TOMM20: variants seen among roughly 807,000 people sequenced by gnomAD.
The protein encoded by TOMM20 is translocase of outer mitochondrial membrane 20, also known as mitochondrial import receptor subunit TOM20 homolog.
In TOMM20, 10 loss-of-function variants were observed where a neutral mutation model predicts 22.1. The ratio of observed to expected loss-of-function variants is 0.45; its 90% confidence interval spans 0.28 to 0.77. The LOEUF is 0.77. TOMM20 is among the 30% of genes least tolerant of loss of function. The probability of loss-of-function intolerance (pLI) is 0.13; values close to 1 mark genes in which losing one functional copy is unlikely to be tolerated. For synonymous variants in TOMM20, 55 were observed against 61.4 expected (o/e 0.90, Z 0.49); for missense variants, 121 against 172.2 (o/e 0.70, Z 1.66).
chr1:235,113,640 C>A, intron 4 of TOMM20, 128 bp downstream of exon 4: 3 of 1,190,552 alleles, frequency 2.5e-6, no homozygotes, highest in Non-Finnish European at 1.2e-6. Context: ...GCGCTGATAT[C>A]TCCCATATTG....
At chr1:235,128,556 A>G (rs1367599311) in intron 1 of TOMM20, 39 bp downstream of exon 1, 1 of 1,611,206 alleles carries the variant, frequency 6.2e-7, no homozygotes, top group African/African-American at 1.3e-5. Flanking sequence ...CGGCGGCCGA[A>G]GGCAGCAAGC....
intron 3 of TOMM20, among the ~76,000 whole-genome samples, chr1:235,118,015 G>A (rs1290402111): frequency 6.6e-6 from 1 of 152,208 alleles, no homozygotes; most frequent in Non-Finnish European, 1.5e-5. Flanking sequence ...TCCACTGATG[G>A]TCACTTTAGA....
At chr1:235,120,480 G>C (rs1392932996) in intron 2 of TOMM20, among the ~76,000 whole-genome samples, 1 of 151,918 alleles carries the variant, frequency 6.6e-6, no homozygotes, top group South Asian at 2.1e-4. Context: ...GGCCAGGCTG[G>C]TCTCAAACTC....
chr1:235,125,862 A>C (rs1182306228), intron 1 of TOMM20, among the ~76,000 whole-genome samples: 1 of 146,464 alleles, frequency 6.8e-6, no homozygotes, highest in East Asian at 2.1e-4. Flanking sequence ...CGATCTTCCT[A>C]CCTCAGTCTC....
At chr1:235,123,021 T>TG (rs1660952561) in intron 1 of TOMM20, among the ~76,000 whole-genome samples, 2 of 152,154 alleles carry the variant, frequency 1.3e-5, no homozygotes, top group Non-Finnish European at 2.9e-5. Context: ...AAGGCTCCAA[T>TG]ACTTATTATT....
intron 3 of TOMM20, among the ~76,000 whole-genome samples, chr1:235,115,951 T>C (rs975067426): frequency 5.3e-5 from 8 of 152,212 alleles, no homozygotes; most frequent in Non-Finnish European, 8.8e-5. Flanking sequence ...TGCATTGCCA[T>C]AGGAACTGTG....
intron 1 of TOMM20, among the ~76,000 whole-genome samples, chr1:235,127,630 T>A (rs1160054867): frequency 3.9e-5 from 6 of 152,228 alleles, no homozygotes; most frequent in African/African-American, 1.4e-4. Flanking sequence ...GTAACTTACG[T>A]ATCAATTTTA....
At chr1:235,118,926 T>C (rs1381504854) in intron 3 of TOMM20, among the ~76,000 whole-genome samples, 1 of 152,230 alleles carries the variant, frequency 6.6e-6, no homozygotes, top group Non-Finnish European at 1.5e-5. Flanking sequence ...CAAAAAAGTA[T>C]TTCTTGGCAA....
chr1:235,112,729 G>A (rs1037395791), intron 4 of TOMM20, among the ~76,000 whole-genome samples: 4 of 152,146 alleles, frequency 2.6e-5, no homozygotes, highest in African/African-American at 9.7e-5. Context: ...TTGAGTGAAG[G>A]AGGTCATTTT....
intron 3 of TOMM20, among the ~76,000 whole-genome samples, chr1:235,116,951 T>C (rs7530956): frequency 0.33 from 49,964 of 149,504 alleles, 8,776 homozygotes; most frequent in African/African-American, 0.45. Context: ...CTGGCTAACA[T>C]GGTGAAACCC....
chr1:235,128,573 AG>A (rs1361701953), intron 1 of TOMM20, 21 bp downstream of exon 1: 1 of 1,611,728 alleles, frequency 6.2e-7, no homozygotes, highest in Admixed American at 1.7e-5. Context: ...AAGCCTGGCC[AG>A]GGGAGAGAGG....
chr1:235,114,924 C>G (rs1660805745), intron 3 of TOMM20, among the ~76,000 whole-genome samples: 1 of 152,158 alleles, frequency 6.6e-6, no homozygotes, highest in African/African-American at 2.4e-5. Context: ...GGCTGGAGTA[C>G]AATGGTACAA....
intron 2 of TOMM20, among the ~76,000 whole-genome samples, chr1:235,120,995 A>T (rs1464702404): frequency 6.6e-6 from 1 of 152,054 alleles, no homozygotes; most frequent in East Asian, 1.9e-4. Flanking sequence ...AGGTCAAGAG[A>T]TCGAGGCCAT....
At chr1:235,113,669 G>A (rs1660779515) in intron 4 of TOMM20, 99 bp downstream of exon 4, 1 of 1,434,554 alleles carries the variant, frequency 7.0e-7, no homozygotes, top group Non-Finnish European at 9.4e-7. Flanking sequence ...ATACAGATAA[G>A]TTTATTTCAT....
At chr1:235,124,224 G>A (rs907303862) in intron 1 of TOMM20, among the ~76,000 whole-genome samples, 3 of 152,252 alleles carry the variant, frequency 2.0e-5, no homozygotes, top group African/African-American at 4.8e-5. Flanking sequence ...GCAGGCGCCT[G>A]TAGTCCTAGC....
rs546453937 is a variant in TOMM20, at chr1:235,128,513, C to T, written c.121+82G>A. On this transcript the variant is annotated intron_variant, in intron 1 of 4. Transcript: ENST00000366607. ...GCGGTCGCCCTGCGCGGCCCACAGG[C>T]TGGTGGGAGGCAATGACCCCTCCTG... The T allele has an allele frequency of 2.6e-5, 42 of 1,598,972 alleles. No homozygotes were observed. In the East Asian group the frequency reaches 4.9e-4, roughly 19 times the overall value.
At position 235,117,454 on chromosome 1, in the gene TOMM20, A is replaced by T. The variant is rs185126409; in HGVS notation, c.250+2364T>A. Reference sequence around the variant, plus strand: ...CCCACTGCACTCTGGGTGACAGAGTAAAACTCCACTTCAAAAAAAACAAAA... The same window carrying T: ...CCCACTGCACTCTGGGTGACAGAGTTAAACTCCACTTCAAAAAAAACAAAA... On this transcript the variant is annotated intron_variant, in intron 3 of 4. Transcript: ENST00000366607. Among the ~76,000 whole-genome samples the T allele has an allele frequency of 2.1e-4, 31 of 146,528 alleles. 1 individual carries two copies. The highest frequency in any genetic ancestry group is 8.0e-4 in the African/African-American group (30 of 37,602).
chr1:235,123,995 C>T (rs1396511992), intron 1 of TOMM20, among the ~76,000 whole-genome samples: 4 of 152,240 alleles, frequency 2.6e-5, no homozygotes, highest in Admixed American at 1.3e-4. Flanking sequence ...GTTTTAGATG[C>T]TACATGCGAG....
At chr1:235,122,752 C>T (rs1313366791) in intron 1 of TOMM20, among the ~76,000 whole-genome samples, 1 of 152,142 alleles carries the variant, frequency 6.6e-6, no homozygotes, top group Non-Finnish European at 1.5e-5. Context: ...CTGAAATATG[C>T]CAGATTATAT....
Sources: gnomAD v4.1 joint callset for allele counts (sites outside exome capture counted in the v4.1 genomes callset) on GRCh38, gnomAD v4.1.1 for gene constraint, MANE v1.5 for transcripts, NCBI Gene and HGNC (gene_info 2026-07-23, HGNC 2026-07-21) for gene names.